SENP7: variants seen among roughly 807,000 people sequenced by gnomAD.
The protein encoded by SENP7 is sentrin-specific protease 7.
Under a neutral mutation model 141.2 loss-of-function variants are expected in SENP7, and 64 were observed. That is an observed-to-expected ratio of 0.45 (90% CI 0.37 to 0.56). The LOEUF (loss-of-function observed/expected upper bound fraction) is 0.56, where lower values mean the gene tolerates loss of function less well. Ranked by LOEUF, SENP7 falls within the 20% of genes least tolerant of loss-of-function variation. SENP7 has a pLI of 0.00. For missense variants in SENP7, 1,025 were observed against 1,212.2 expected (o/e 0.85, Z 2.29); for synonymous variants, 382 against 426.4 (o/e 0.90, Z 1.28).
At chr3:101,481,554 A>G (rs923653003) in intron 3 of SENP7, among the ~76,000 whole-genome samples, 1 of 152,202 alleles carries the variant, frequency 6.6e-6, no homozygotes, top group Admixed American at 6.5e-5. Context: ...GCTAGATAGA[A>G]GGAGTAAGTT....
intron 3 of SENP7, among the ~76,000 whole-genome samples, chr3:101,464,670 A>G (rs2063701969): frequency 6.6e-6 from 1 of 152,120 alleles, no homozygotes; most frequent in Non-Finnish European, 1.5e-5. Flanking sequence ...TATTTATTTA[A>G]TTATATACTA....
At chr3:101,478,324 C>G (rs1288122273) in intron 3 of SENP7, among the ~76,000 whole-genome samples, 1 of 152,014 alleles carries the variant, frequency 6.6e-6, no homozygotes, top group Non-Finnish European at 1.5e-5. Flanking sequence ...TTAAGAACAG[C>G]CTAGGCAATA....
chr3:101,448,947 G>A (rs964378727), intron 4 of SENP7, among the ~76,000 whole-genome samples: 6 of 151,908 alleles, frequency 3.9e-5, no homozygotes, highest in South Asian at 2.1e-4. Flanking sequence ...GAGGAAGTTC[G>A]AACCCATGGA....
At chr3:101,484,724 T>C (rs1158275922) in intron 3 of SENP7, among the ~76,000 whole-genome samples, 1 of 152,130 alleles carries the variant, frequency 6.6e-6, no homozygotes, top group Non-Finnish European at 1.5e-5. Context: ...AAAAAGGCCC[T>C]GGGAGCTCGC....
intron 4 of SENP7, among the ~76,000 whole-genome samples, chr3:101,456,450 C>A (rs1219593751): frequency 1.3e-5 from 2 of 152,000 alleles, no homozygotes; most frequent in African/African-American, 2.4e-5. Flanking sequence ...ATTTTAAAAT[C>A]TTTTTATCCC....
At chr3:101,495,381 C>T (rs956032813) in intron 2 of SENP7, among the ~76,000 whole-genome samples, 3 of 152,150 alleles carry the variant, frequency 2.0e-5, no homozygotes, top group Non-Finnish European at 4.4e-5. Context: ...ACCATTTGAC[C>T]TAGCAACACC....
At chr3:101,432,445 T>C (rs962998547) in intron 4 of SENP7, among the ~76,000 whole-genome samples, 2 of 152,140 alleles carry the variant, frequency 1.3e-5, no homozygotes, top group Non-Finnish European at 2.9e-5. Flanking sequence ...TAAGCAAACA[T>C]AGGCAGTAGC....
chr3:101,328,001 T>G (rs2058948007), intron 22 of SENP7, among the ~76,000 whole-genome samples, 185 bp from the exon 23 acceptor site: 1 of 152,194 alleles, frequency 6.6e-6, no homozygotes, highest in South Asian at 2.1e-4. Context: ...AGAAAATATG[T>G]AATGTGATTT....
At chr3:101,379,439 A>C (rs1035230849) in intron 6 of SENP7, among the ~76,000 whole-genome samples, 1 of 152,166 alleles carries the variant, frequency 6.6e-6, no homozygotes, top group Non-Finnish European at 1.5e-5. Flanking sequence ...TGCAAATCCC[A>C]TATCTATTAA....
At chr3:101,467,764 A>G (rs2063815921) in intron 3 of SENP7, among the ~76,000 whole-genome samples, 1 of 152,210 alleles carries the variant, frequency 6.6e-6, no homozygotes, top group Admixed American at 6.5e-5. Context: ...TAGAGCAGAA[A>G]AGCTGAAAAT....
In SENP7 at chr3:101,417,650, C is replaced by T; in HGVS notation, c.425G>A (p.Ser142Asn). ...SDSLPSTSVDSLETCQKLEPL... is the reference protein window; with the variant it reads ...SDSLPSTSVDNLETCQKLEPL... The stretch of plus-strand genomic sequence containing the variant: ...TTCTAATTTTTGACATGTCTCTAGG[C>T]TGTCAACAGATGTCGAAGGCAATGA... The change falls in exon 5 of 24, where the codon AGC (serine) becomes AAC (asparagine). Residue 142 changes from serine (S) to asparagine (N), a missense_variant. This residue lies in a region of SENP7 where 496 missense variants were observed against 503.5 expected (regional missense o/e 0.99). Coordinates refer to ENST00000394095, the MANE Select transcript of SENP7 (RefSeq NM_020654.5). 1 of 1,613,948 alleles carries T rather than the reference C, an allele frequency of 6.2e-7. No homozygotes were observed. The highest frequency in any genetic ancestry group is 8.5e-7 in the Non-Finnish European group (1 of 1,179,854).
Position 101,477,864 on chromosome 3 carries a change from T to C in SENP7, c.186+16009A>G, listed in dbSNP as rs112898887. On this transcript the variant is annotated intron_variant, in intron 3 of 23. Coordinates refer to ENST00000394095, the MANE Select transcript of SENP7 (RefSeq NM_020654.5). Reference sequence around the variant, plus strand: ...AGTCTCCATCTCAAAAAAAAAAAAGTTAGTAGAGAAAAAAAAATAAACATC... The same window carrying C: ...AGTCTCCATCTCAAAAAAAAAAAAGCTAGTAGAGAAAAAAAAATAAACATC... 2.4e-3 allele frequency among the ~76,000 whole-genome samples: 355 copies of C among 147,326 alleles called. 1 individual carries two copies. The highest frequency in any genetic ancestry group is 8.2e-3 in the African/African-American group (331 of 40,302).
chr3:101,357,797 C>A, intron 11 of SENP7: 1 of 609,458 alleles, frequency 1.6e-6, no homozygotes, highest in Admixed American at 2.2e-5. Context: ...TTAACCAGTC[C>A]TCAACCCTTA....
chr3:101,374,454 C>A (rs1241918016), intron 6 of SENP7, among the ~76,000 whole-genome samples: 1 of 152,094 alleles, frequency 6.6e-6, no homozygotes, highest in Non-Finnish European at 1.5e-5. Context: ...AATTGGAGTT[C>A]ATTAAAATTG....
intron 4 of SENP7, among the ~76,000 whole-genome samples, chr3:101,432,265 C>A (rs759928112): frequency 2.6e-5 from 4 of 152,154 alleles, no homozygotes; most frequent in Non-Finnish European, 5.9e-5. Context: ...GCCAGCTCAA[C>A]CATAATACAA....
chr3:101,396,674 G>A (rs1443455163), intron 6 of SENP7, among the ~76,000 whole-genome samples: 1 of 152,090 alleles, frequency 6.6e-6, no homozygotes, highest in Non-Finnish European at 1.5e-5. Context: ...AATGACATAA[G>A]CATTAACCCA....
chr3:101,358,165 T>G, intron 11 of SENP7: 2 of 547,516 alleles, frequency 3.7e-6, no homozygotes, highest in Non-Finnish European at 6.4e-6. Flanking sequence ...ACTGGAGATA[T>G]ACCCTACAAA....
intron 14 of SENP7, among the ~76,000 whole-genome samples, chr3:101,342,563 T>A (rs2059354591): frequency 6.6e-6 from 1 of 152,170 alleles, no homozygotes; most frequent in Non-Finnish European, 1.5e-5. Context: ...GGCCTAATAG[T>A]ATTAACTAAG....
chr3:101,417,727 G>C lies in SENP7; in HGVS notation c.348C>G (p.Thr116=), dbSNP rs1442208370. 2 of 1,613,756 alleles carry C rather than the reference G, an allele frequency of 1.2e-6. No homozygotes were observed. The highest frequency in any genetic ancestry group is 1.7e-6 in the Non-Finnish European group (2 of 1,179,846). The change falls in exon 5 of 24, where the codon ACC becomes ACG. Residue 116 remains threonine (T), a synonymous_variant. Transcript: ENST00000394095. ...WTDLGRKFRK[T]LPRNDANLCD... is the part of the protein sequence containing the mutation. ...ATAAATTAGCATCGTTTCTAGGTAGGGTCTTTCTGAATTTTCGTCCTAAAT... is the reference window on the plus strand; with the variant it reads ...ATAAATTAGCATCGTTTCTAGGTAGCGTCTTTCTGAATTTTCGTCCTAAAT...
Sources: gnomAD v4.1 joint callset for allele counts (sites outside exome capture counted in the v4.1 genomes callset) on GRCh38, gnomAD v4.1.1 for gene constraint, gnomAD v4.1.1 regional missense constraint, MANE v1.5 for transcripts, NCBI Gene and HGNC (gene_info 2026-07-23, HGNC 2026-07-21) for gene names.